CTNNA2: variants seen among roughly 807,000 people sequenced by gnomAD.
The protein encoded by CTNNA2 is catenin alpha 2.
CTNNA2 carries 42 observed loss-of-function variants against 101.0 expected under a neutral mutation model. The observed-to-expected ratio is 0.42, with a 90% confidence interval of 0.32 to 0.54. CTNNA2 has a LOEUF of 0.54. CTNNA2 is among the 20% of genes least tolerant of loss of function. The probability of loss-of-function intolerance (pLI) is 0.14; values close to 1 mark genes in which losing one functional copy is unlikely to be tolerated. For missense variants in CTNNA2, 871 were observed against 1,223.1 expected, an observed-to-expected ratio of 0.71 and a Z score of 4.29; for synonymous variants, 450 against 456.4, an observed-to-expected ratio of 0.99 and a Z score of 0.18.
intron 11 of CTNNA2, among the ~76,000 whole-genome samples, chr2:80,551,214 T>C (rs1692529162): frequency 6.6e-6 from 1 of 152,212 alleles, no homozygotes; most frequent in Non-Finnish European, 1.5e-5. Flanking sequence ...AAATATTCAG[T>C]AAACCATGCT....
intron 3 of CTNNA2, among the ~76,000 whole-genome samples, chr2:79,338,643 C>CTTCTTCTTCTTCTT (rs1558634030): frequency 1.4e-5 from 2 of 145,438 alleles, no homozygotes; most frequent in Non-Finnish European, 1.5e-5. Flanking sequence ...TCTTCTTCTT[C>CTTCTTCTTCTTCTT]AAAGATTCCT....
intron 7 of CTNNA2, among the ~76,000 whole-genome samples, chr2:80,176,199 G>T (rs1018438424): frequency 6.6e-6 from 1 of 152,116 alleles, no homozygotes; most frequent in South Asian, 2.1e-4. Context: ...TTCAAATAAA[G>T]ACAATAATAA....
intron 7 of CTNNA2, among the ~76,000 whole-genome samples, chr2:80,110,787 T>C (rs1401895380): frequency 1.3e-5 from 2 of 152,204 alleles, no homozygotes; most frequent in African/African-American, 4.8e-5. Context: ...TTGGTGGATA[T>C]TAACTGAAAC....
intron 7 of CTNNA2, among the ~76,000 whole-genome samples, chr2:80,235,562 G>A (rs554977636): frequency 5.9e-5 from 9 of 152,294 alleles, no homozygotes; most frequent in African/African-American, 2.2e-4. Flanking sequence ...TTGGTTGCAG[G>A]AAACAGAGAC....
intron 7 of CTNNA2, among the ~76,000 whole-genome samples, chr2:80,175,422 G>C (rs183144339): frequency 6.6e-6 from 1 of 152,102 alleles, no homozygotes; most frequent in African/African-American, 2.4e-5. Flanking sequence ...TCAGTGTCTA[G>C]CCCAATGCCT....
chr2:80,462,942 T>C (rs556990937), intron 9 of CTNNA2, among the ~76,000 whole-genome samples: 8 of 152,278 alleles, frequency 5.3e-5, no homozygotes, highest in Admixed American at 4.6e-4. Flanking sequence ...TAACCTCTGC[T>C]CTGAAATCAT....
chr2:80,119,545 T>A (rs1701717656), intron 7 of CTNNA2, among the ~76,000 whole-genome samples: 1 of 152,206 alleles, frequency 6.6e-6, no homozygotes, highest in African/African-American at 2.4e-5. Flanking sequence ...GTAAATGAAC[T>A]TATAAGTCAA....
intron 4 of CTNNA2, among the ~76,000 whole-genome samples, chr2:79,474,568 A>T (rs1671032284): frequency 6.6e-6 from 1 of 152,172 alleles, no homozygotes; most frequent in African/African-American, 2.4e-5. Flanking sequence ...TTATTTTTTA[A>T]TTTTAAAAAT....
At chr2:79,508,996 TATATATATATATATATAA>T (rs1470912543), upstream of CTNNA2, among the ~76,000 whole-genome samples, 232 of 108,658 alleles carry the variant, frequency 2.1e-3, 4 homozygotes, top group Middle Eastern at 5.2e-3. Context: ...TATATATATA[TATATATATATATATATAA>T]ACAATTACCT....
At chr2:79,587,415 G>A (rs558543899) in intron 1 of CTNNA2, among the ~76,000 whole-genome samples, 1 of 151,914 alleles carries the variant, frequency 6.6e-6, no homozygotes, top group South Asian at 2.1e-4. Flanking sequence ...CAGCCCTCTG[G>A]CTTCAAAGTG....
At chr2:80,311,218 C>A (rs2149227686) in intron 7 of CTNNA2, among the ~76,000 whole-genome samples, 1 of 152,126 alleles carries the variant, frequency 6.6e-6, no homozygotes, top group South Asian at 2.1e-4. Flanking sequence ...AATGTTTATT[C>A]TAGAAGTGGA....
At chr2:80,514,007 G>A (rs1037350387) in intron 9 of CTNNA2, among the ~76,000 whole-genome samples, 7 of 151,922 alleles carry the variant, frequency 4.6e-5, no homozygotes, top group Admixed American at 1.3e-4. Context: ...TGATTTGAAC[G>A]TCTCTCTTTC....
chr2:79,726,662 T>C (rs1481719451), intron 2 of CTNNA2, among the ~76,000 whole-genome samples: 1 of 152,214 alleles, frequency 6.6e-6, no homozygotes, highest in Non-Finnish European at 1.5e-5. Flanking sequence ...TAGGGACCGC[T>C]GGTGTAATGG....
At chr2:79,852,870 G>A (rs909797474) in intron 3 of CTNNA2, among the ~76,000 whole-genome samples, 112 of 152,224 alleles carry the variant, frequency 7.4e-4, no homozygotes, top group African/African-American at 2.4e-3. Context: ...GATTACAGGC[G>A]TGAGCCACCG....
intron 7 of CTNNA2, among the ~76,000 whole-genome samples, chr2:80,005,622 T>C (rs1693281701): frequency 6.6e-6 from 1 of 152,014 alleles, no homozygotes; most frequent in South Asian, 2.1e-4. Flanking sequence ...AGAAAGCCTA[T>C]CACCATAGAT....
chr2:79,811,246 T>G (rs1474716776), intron 3 of CTNNA2, among the ~76,000 whole-genome samples: 2 of 152,172 alleles, frequency 1.3e-5, no homozygotes, highest in Admixed American at 6.6e-5. Flanking sequence ...GGTATCTCAT[T>G]GTGGTTTTGA....
chr2:79,513,988 CT>C (rs908533990), intron 1 of CTNNA2, among the ~76,000 whole-genome samples: 11 of 152,108 alleles, frequency 7.2e-5, no homozygotes, highest in Admixed American at 5.9e-4. Flanking sequence ...TTCTTTTCCC[CT>C]AGGCCTCTTT....
At chr2:79,397,631 G>T (rs1399677822) in intron 4 of CTNNA2, among the ~76,000 whole-genome samples, 1 of 151,802 alleles carries the variant, frequency 6.6e-6, no homozygotes, top group East Asian at 1.9e-4. Flanking sequence ...TATGCAACTG[G>T]CTCTCAAGTC....
intron 7 of CTNNA2, among the ~76,000 whole-genome samples, chr2:79,933,393 C>T (rs926960163): frequency 2.0e-5 from 3 of 151,602 alleles, no homozygotes; most frequent in Admixed American, 2.0e-4. Flanking sequence ...CAGAGTTAAG[C>T]TACTAGACCT....
Sources: gnomAD v4.1 joint callset for allele counts (sites outside exome capture counted in the v4.1 genomes callset) on GRCh38, gnomAD v4.1.1 for gene constraint, MANE v1.5 for transcripts, NCBI Gene and HGNC (gene_info 2026-07-23, HGNC 2026-07-21) for gene names.